The following AGTR1 variants were observed in gnomAD, a reference collection of about 807,000 sequenced individuals.
AGTR1 encodes the protein angiotensin II receptor type 1.
Under a neutral mutation model 19.4 loss-of-function variants are expected in AGTR1, and 16 were observed. That is an observed-to-expected ratio of 0.82 (90% confidence interval 0.56 to 1.25). The LOEUF is 1.25. Among genes scored for constraint, AGTR1 ranks in the 50% most tolerant of loss-of-function variants. The pLI, the probability that AGTR1 is intolerant of heterozygous loss-of-function variation, is 0.00. For synonymous variants in AGTR1, 153 were observed against 154.9 expected, an observed-to-expected ratio of 0.99 and a Z score of 0.09; for missense variants, 373 against 431.9, an observed-to-expected ratio of 0.86 and a Z score of 1.21.
intron 2 of AGTR1, 140 bp from the exon 3 acceptor site, chr3:148,740,849 T>G (rs1714830596): frequency 1.4e-6 from 1 of 720,326 alleles, no homozygotes. Flanking sequence ...TCACAGTGTT[T>G]CCTTAAGAAA....
At chr3:148,700,402 C>T (rs1559920273) in intron 1 of AGTR1, among the ~76,000 whole-genome samples, 1 of 152,118 alleles carries the variant, frequency 6.6e-6, no homozygotes, top group Non-Finnish European at 1.5e-5. Context: ...TTTATCTGTG[C>T]TGCCACAGTG....
chr3:148,727,964 G>A (rs1350733458), intron 2 of AGTR1, among the ~76,000 whole-genome samples: 1 of 152,048 alleles, frequency 6.6e-6, no homozygotes, highest in Non-Finnish European at 1.5e-5. Context: ...ATTGTAAAAT[G>A]GTTAGCAGTA....
At position 148,741,590 on chromosome 3, in the gene AGTR1, G is replaced by C; in HGVS notation, c.555G>C (p.Glu185Asp). Reference protein sequence around the residue: ...TNITVCAFHYESQNSTLPIGL... With the variant: ...TNITVCAFHYDSQNSTLPIGL... ...TTACAGTTTGTGCTTTCCATTATGA[G>C]TCCCAAAATTCAACCCTCCCGATAG... The change falls in exon 3 of 3, where the codon GAG becomes GAC. Residue 185 changes from glutamate to aspartate, a missense_variant. Coordinates refer to ENST00000349243, the MANE Select transcript of AGTR1 (RefSeq NM_000685.5). 6.2e-7 allele frequency: 1 copy of C among 1,613,992 alleles called. No homozygotes were observed. The highest frequency in any genetic ancestry group is 8.5e-7 in the Non-Finnish European group (1 of 1,179,956).
intron 2 of AGTR1, among the ~76,000 whole-genome samples, chr3:148,726,214 ATT>A (rs11390367): frequency 1.3e-4 from 19 of 147,130 alleles, no homozygotes; most frequent in African/African-American, 3.2e-4. Context: ...CAGTCTACTG[ATT>A]TTTTTTTTTT....
At chr3:148,698,761 C>G (rs1044584518) in intron 1 of AGTR1, among the ~76,000 whole-genome samples, 2 of 152,220 alleles carry the variant, frequency 1.3e-5, no homozygotes, top group Non-Finnish European at 2.9e-5. Context: ...TCTCCACACC[C>G]CAATCCCTAC....
chr3:148,742,260 T>G lies in AGTR1; in HGVS notation c.*145T>G. On this transcript the variant is annotated 3_prime_UTR_variant, in exon 3 of 3. Coordinates refer to ENST00000349243, the MANE Select transcript of AGTR1 (RefSeq NM_000685.5). The stretch of plus-strand genomic sequence containing the variant: ...ATTATGTGGACTGAACCGACTTTTC[T>G]AAAGCTCTGAACAAAAGCTTTTCTT... 1 of 1,167,616 alleles carries G rather than the reference T, an allele frequency of 8.6e-7. No individual in the cohort carries two copies. Among genetic ancestry groups the G allele is most frequent in the Non-Finnish European group, 1.3e-6 (1 of 774,582 alleles). The allele number at this position is 1,167,616 out of a possible 1,614,324, so 72.3% of individuals were successfully genotyped here.
rs553546008 is a variant in AGTR1 at position 148,738,438 on chromosome 3, A to G, written c.-47-2551A>G. ...ATAGTAAATAGGTAAATTAATCCACATTAAGCCACAAATGACTGCTAGCCC... is the reference window on the plus strand; with the variant it reads ...ATAGTAAATAGGTAAATTAATCCACGTTAAGCCACAAATGACTGCTAGCCC... On this transcript the variant is annotated intron_variant, in intron 2 of 2. Transcript: ENST00000349243. Among the ~76,000 whole-genome samples, 280 of 152,190 alleles carry G rather than the reference A, an allele frequency of 1.8e-3. 2 individuals carry two copies. The highest frequency in any genetic ancestry group is 6.0e-3 in the African/African-American group (250 of 41,502).
chr3:148,711,557 GTTTT>G (rs537463342), intron 2 of AGTR1, among the ~76,000 whole-genome samples: 1 of 151,138 alleles, frequency 6.6e-6, no homozygotes, highest in African/African-American at 2.4e-5. Context: ...TTGTGCCTGA[GTTTT>G]TTTTTCAATA....
At chr3:148,704,328 T>C (rs1712541409) in intron 1 of AGTR1, among the ~76,000 whole-genome samples, 1 of 151,838 alleles carries the variant, frequency 6.6e-6, no homozygotes, top group Non-Finnish European at 1.5e-5. Flanking sequence ...ATCACACCAC[T>C]GCACTCCAGC....
chr3:148,719,008 C>G (rs1237698701), intron 2 of AGTR1, among the ~76,000 whole-genome samples: 1 of 152,092 alleles, frequency 6.6e-6, no homozygotes, highest in South Asian at 2.1e-4. Flanking sequence ...TGGAAGGGCT[C>G]CTATTCGGTT....
chr3:148,720,845 T>C (rs1713591057), intron 2 of AGTR1, among the ~76,000 whole-genome samples: 1 of 152,238 alleles, frequency 6.6e-6, no homozygotes, highest in Non-Finnish European at 1.5e-5. Context: ...TTTATAATTG[T>C]GGGCAGATGT....
intron 2 of AGTR1, among the ~76,000 whole-genome samples, chr3:148,727,869 T>C (rs1714044190): frequency 6.6e-6 from 1 of 152,148 alleles, no homozygotes; most frequent in Non-Finnish European, 1.5e-5. Context: ...AAACAAAAAG[T>C]AGGAACCAGA....
intron 1 of AGTR1, 75 bp from the exon 2 acceptor site, chr3:148,707,869 A>G (rs933498489): frequency 6.6e-6 from 1 of 152,196 alleles, no homozygotes; most frequent in Non-Finnish European, 1.5e-5. Context: ...GCAGTGTGGA[A>G]GCTTACTCTG....
Position 148,741,651 on chromosome 3 carries a change from T to C in AGTR1, c.616T>C (p.Phe206Leu). ...GACCAAAAATATACTGGGTTTCCTG[T>C]TTCCTTTTCTGATCATTCTTACAAG... is the stretch of plus-strand genomic sequence containing the variant. ...GLTKNILGFLFPFLIILTSYT... is the reference protein window; with the variant it reads ...GLTKNILGFLLPFLIILTSYT... Residue 206 changes from phenylalanine to leucine, a missense_variant, in exon 3 of 3, where the codon TTT becomes CTT. Coordinates refer to ENST00000349243, the MANE Select transcript of AGTR1 (RefSeq NM_000685.5). 1.2e-6 allele frequency: 2 copies of C among 1,614,112 alleles called. No homozygotes were observed. The highest frequency in any genetic ancestry group is 1.6e-4 in the Middle Eastern group (1 of 6,062).
At chr3:148,724,186 A>T (rs1713800654) in intron 2 of AGTR1, among the ~76,000 whole-genome samples, 1 of 152,220 alleles carries the variant, frequency 6.6e-6, no homozygotes, top group African/African-American at 2.4e-5. Context: ...ACTATAGCTG[A>T]GAAGTGACCC....
rs557352132 is a variant in AGTR1, at chr3:148,716,785, GA to G, written c.-48+8760del. Reference sequence around the variant, plus strand: ...TTATGGTTTTTTCTTTGAGTTCTCTGAATTTGAATAGTTTCTTAACCTTAGT... The same window carrying G: ...TTATGGTTTTTTCTTTGAGTTCTCTGATTTGAATAGTTTCTTAACCTTAGT... On this transcript the variant is annotated intron_variant, in intron 2 of 2. Transcript: ENST00000349243. The surrounding 1 kb of genome is among the most constrained non-coding windows in gnomAD (Gnocchi z 4.7). Among the ~76,000 whole-genome samples, 5 of 152,210 alleles carry G rather than the reference GA, an allele frequency of 3.3e-5. No homozygotes were observed. In the South Asian group the frequency reaches 1.0e-3, roughly 32 times the overall value.
At chr3:148,733,035 C>T (rs377405318) in intron 2 of AGTR1, among the ~76,000 whole-genome samples, 263 of 152,112 alleles carry the variant, frequency 1.7e-3, no homozygotes, top group Non-Finnish European at 2.8e-3. Flanking sequence ...CCACCGCGCC[C>T]GGCCCGGAAA....
intron 1 of AGTR1, among the ~76,000 whole-genome samples, chr3:148,698,601 C>A (rs1221104033): frequency 6.6e-6 from 1 of 152,160 alleles, no homozygotes; most frequent in African/African-American, 2.4e-5. Context: ...AATGTCCCTG[C>A]ACTGCTCACG....
At chr3:148,739,715 ACATGTGTTCAG>A in intron 2 of AGTR1, 1 of 1,171,182 alleles carries the variant, frequency 8.5e-7, no homozygotes, top group Non-Finnish European at 1.1e-6. Flanking sequence ...TACTCTAAGA[ACATGTGTTCAG>A]CTCTCCTGAA....
Sources: allele counts gnomAD v4.1 joint callset (sites outside exome capture counted in the v4.1 genomes callset), GRCh38; gene constraint gnomAD v4.1.1; non-coding constraint Gnocchi (gnomAD v3.1); transcripts MANE v1.5; gene names NCBI Gene and HGNC (gene_info 2026-07-23, HGNC 2026-07-21).